The following GOLM2 variants were observed in gnomAD, a reference collection of about 807,000 sequenced individuals.
The protein encoded by GOLM2 is protein GOLM2.
GOLM2 carries 26 observed loss-of-function variants against 55.9 expected under a neutral mutation model. The ratio of observed to expected loss-of-function variants is 0.47; its 90% CI spans 0.34 to 0.65. The LOEUF is 0.65. GOLM2 is among the 30% of genes least tolerant of loss of function. GOLM2 has a pLI of 0.01. For synonymous variants in GOLM2, 165 were observed against 194.6 expected, an observed-to-expected ratio of 0.85 and a Z score of 1.27; for missense variants, 486 against 531.8, an observed-to-expected ratio of 0.91 and a Z score of 0.85.
chr15:44,324,713 C>T (rs556267381), intron 2 of GOLM2, among the ~76,000 whole-genome samples: 11 of 151,880 alleles, frequency 7.2e-5, no homozygotes, highest in Admixed American at 6.6e-4. Flanking sequence ...ATGCCTGTTA[C>T]TGAAAGAAAG....
intron 8 of GOLM2, among the ~76,000 whole-genome samples, chr15:44,400,574 CTTTTTTTTTTTTTTTTT>C (rs59386038): frequency 1.8e-5 from 2 of 111,022 alleles, no homozygotes; most frequent in African/African-American, 8.0e-5. Context: ...GCCTTGCCGC[CTTTTTTTTTTTTTTTTT>C]TTTTTTTTTT....
At chr15:44,318,315 A>G (rs2078925464) in intron 1 of GOLM2, among the ~76,000 whole-genome samples, 1 of 152,198 alleles carries the variant, frequency 6.6e-6, no homozygotes, top group African/African-American at 2.4e-5. Context: ...TTAGACCAAC[A>G]TTCTCACCTA....
At chr15:44,358,938 C>T (rs183360165) in intron 6 of GOLM2, among the ~76,000 whole-genome samples, 9 of 151,910 alleles carry the variant, frequency 5.9e-5, no homozygotes, top group Admixed American at 1.3e-4. Context: ...AGGCAGATCA[C>T]GAGGTCAGGA....
chr15:44,328,020 A>G (rs948251897), intron 2 of GOLM2, among the ~76,000 whole-genome samples: 1 of 152,234 alleles, frequency 6.6e-6, no homozygotes, highest in Admixed American at 6.5e-5. Flanking sequence ...ATTTGTACCC[A>G]TAGTACTTTT....
intron 1 of GOLM2, among the ~76,000 whole-genome samples, chr15:44,312,832 G>A (rs1218280825): frequency 6.6e-6 from 1 of 152,150 alleles, no homozygotes; most frequent in Non-Finnish European, 1.5e-5. Flanking sequence ...TGTAATCCCA[G>A]CACTTTGGGA....
At chr15:44,328,304 C>G (rs1036514010) in intron 2 of GOLM2, among the ~76,000 whole-genome samples, 2 of 152,138 alleles carry the variant, frequency 1.3e-5, no homozygotes, top group African/African-American at 4.8e-5. Flanking sequence ...ACATGGCTAA[C>G]CCATATCTAC....
In GOLM2 at chr15:44,306,025, TG is replaced by T. The variant is rs564405162; in HGVS notation, c.327+16671del. On this transcript the variant is annotated intron_variant, in intron 1 of 9. Coordinates refer to ENST00000299957, the MANE Select transcript of GOLM2 (RefSeq NM_138423.4). The stretch of plus-strand genomic sequence containing the variant: ...TTCTTAAAAGCTAGGATTTTAGGAA[TG>T]GTAAGTGAGCGTTGGCTTCCACTTA... Among the ~76,000 whole-genome samples, 67 of 152,332 alleles carry T rather than the reference TG, an allele frequency of 4.4e-4. No homozygotes were observed. The South Asian group carries it at 0.011, about 25-fold the overall frequency.
intron 6 of GOLM2, among the ~76,000 whole-genome samples, chr15:44,369,103 A>ATATAATATG (rs2079310303): frequency 1.0e-5 from 1 of 100,294 alleles, no homozygotes; most frequent in East Asian, 3.6e-4. Flanking sequence ...ATATATATAT[A>ATATAATATG]TATATATATA....
At chr15:44,314,031 A>G (rs1262616368) in intron 1 of GOLM2, among the ~76,000 whole-genome samples, 1 of 152,010 alleles carries the variant, frequency 6.6e-6, no homozygotes, top group African/African-American at 2.4e-5. Context: ...AGGTCAGGAG[A>G]TTGAGACCAT....
intron 1 of GOLM2, among the ~76,000 whole-genome samples, chr15:44,314,731 C>T (rs772687208): frequency 1.6e-4 from 24 of 152,092 alleles, no homozygotes; most frequent in Non-Finnish European, 2.8e-4. Context: ...TAATCACCTA[C>T]CAGGTCTAGT....
At chr15:44,367,791 A>G (rs1022285525) in intron 6 of GOLM2, among the ~76,000 whole-genome samples, 3 of 132,192 alleles carry the variant, frequency 2.3e-5, no homozygotes, top group Non-Finnish European at 4.5e-5. Context: ...CTCTGTCTCA[A>G]AAAAAAAAAA....
intron 8 of GOLM2, among the ~76,000 whole-genome samples, chr15:44,389,267 C>A (rs560715051): frequency 6.6e-6 from 1 of 152,092 alleles, no homozygotes; most frequent in Non-Finnish European, 1.5e-5. Context: ...CAGTGGCACA[C>A]GCCTGTAATC....
intron 1 of GOLM2, among the ~76,000 whole-genome samples, chr15:44,293,190 A>G (rs968044043): frequency 3.3e-5 from 5 of 152,234 alleles, no homozygotes; most frequent in African/African-American, 1.2e-4. Flanking sequence ...TTGGCCTTCT[A>G]AAGTGCCAGG....
chr15:44,336,931 T>TA (rs562884427), intron 4 of GOLM2, among the ~76,000 whole-genome samples: 424 of 151,450 alleles, frequency 2.8e-3, no homozygotes, highest in South Asian at 8.1e-3. Flanking sequence ...TAAATAATAA[T>TA]AAAAAAAAAT....
intron 6 of GOLM2, chr15:44,346,189 C>T (rs1267854365): frequency 6.6e-6 from 1 of 151,972 alleles, no homozygotes; most frequent in Non-Finnish European, 1.5e-5. Flanking sequence ...AGGTGTGAGC[C>T]GCAGCACCTG....
intron 6 of GOLM2, among the ~76,000 whole-genome samples, chr15:44,339,760 G>A (rs1027486866): frequency 6.6e-6 from 1 of 152,082 alleles, no homozygotes; most frequent in African/African-American, 2.4e-5. Flanking sequence ...TCAGCTTCCT[G>A]AATAACTGAG....
intron 2 of GOLM2, among the ~76,000 whole-genome samples, chr15:44,328,269 C>T (rs1268769257): frequency 6.6e-6 from 1 of 152,134 alleles, no homozygotes; most frequent in African/African-American, 2.4e-5. Flanking sequence ...TGCTTGAGCC[C>T]ACAAGTTTGA....
At chr15:44,408,890 G>A (rs1258678387) in intron 9 of GOLM2, among the ~76,000 whole-genome samples, 1 of 152,178 alleles carries the variant, frequency 6.6e-6, no homozygotes, top group Non-Finnish European at 1.5e-5. Context: ...TGTGAACCTA[G>A]GAGGCGGAGC....
intron 6 of GOLM2, among the ~76,000 whole-genome samples, chr15:44,339,503 T>G (rs2079077492): frequency 6.6e-6 from 1 of 152,034 alleles, no homozygotes; most frequent in African/African-American, 2.4e-5. Flanking sequence ...CAAGCTCAGC[T>G]AATTTTTGTA....
Sources: allele counts gnomAD v4.1 joint callset (sites outside exome capture counted in the v4.1 genomes callset), GRCh38; gene constraint gnomAD v4.1.1; transcripts MANE v1.5; gene names NCBI Gene and HGNC (gene_info 2026-07-23, HGNC 2026-07-21).